The following NRXN1 variants were observed in gnomAD, a reference collection of about 807,000 sequenced individuals.
The protein encoded by NRXN1 is neurexin 1, also known as neurexin-1.
A neutral mutation model predicts 150.9 loss-of-function variants in NRXN1; 39 were observed. The ratio of observed to expected loss-of-function variants is 0.26; its 90% CI spans 0.20 to 0.34. The LOEUF is 0.34. Ranked by LOEUF, NRXN1 falls within the 10% of genes least tolerant of loss-of-function variation. The probability of loss-of-function intolerance (pLI) is 1.00; values close to 1 mark genes in which losing one functional copy is unlikely to be tolerated. For synonymous variants in NRXN1, 924 were observed against 757.0 expected, an observed-to-expected ratio of 1.22 and a Z score of -3.62; for missense variants, 1,815 against 1,949.9, an observed-to-expected ratio of 0.93 and a Z score of 1.30.
chr2:50,427,468 C>G (rs1033770072), intron 17 of NRXN1, among the ~76,000 whole-genome samples: 8 of 151,866 alleles, frequency 5.3e-5, no homozygotes, highest in African/African-American at 1.9e-4. Context: ...TGGTTCTGCT[C>G]ATATATCAGA....
At chr2:50,659,935 C>A (rs567827385) in intron 5 of NRXN1, among the ~76,000 whole-genome samples, 17 of 152,092 alleles carry the variant, frequency 1.1e-4, no homozygotes, top group African/African-American at 4.1e-4. Context: ...AAACATACTT[C>A]CGCTTTATAT....
intron 18 of NRXN1, among the ~76,000 whole-genome samples, chr2:50,098,852 T>A (rs9677097): frequency 1.2e-4 from 3 of 24,352 alleles, no homozygotes; most frequent in African/African-American, 4.9e-4. Flanking sequence ...TTTTTTTTTT[T>A]TTTTTTTTTT....
At position 49,954,375 on chromosome 2, in the gene NRXN1, A is replaced by G. The variant is rs146550836; in HGVS notation, c.4129-10584T>C. Among the ~76,000 whole-genome samples the G allele has an allele frequency of 3.8e-3, 572 of 152,264 alleles. 3 individuals are homozygous for G. The highest frequency in any genetic ancestry group is 0.011 in the African/African-American group (477 of 41,558). ...CCTTTCCTCCGACCAGATCTCCTGG[A>G]GAGCTTAGTGCACAGACTCAGGGAT... On this transcript the variant is annotated intron_variant, in intron 21 of 22. Coordinates refer to ENST00000401669, the MANE Select transcript of NRXN1 (RefSeq NM_001330078.2).
At chr2:50,978,236 C>A (rs1438034866) in intron 2 of NRXN1, among the ~76,000 whole-genome samples, 2 of 135,614 alleles carry the variant, frequency 1.5e-5, no homozygotes, top group African/African-American at 5.3e-5. Context: ...TATACATATT[C>A]TTCCAGAGAC....
chr2:50,001,712 C>T (rs570140445), intron 21 of NRXN1, among the ~76,000 whole-genome samples: 15 of 152,156 alleles, frequency 9.9e-5, no homozygotes, highest in African/African-American at 3.6e-4. Flanking sequence ...CCAACTTCTA[C>T]GTATTTACAT....
intron 17 of NRXN1, among the ~76,000 whole-genome samples, chr2:50,298,139 G>C (rs554328036): frequency 3.9e-4 from 60 of 152,214 alleles, no homozygotes; most frequent in Non-Finnish European, 6.9e-4. Flanking sequence ...ATTGCCGTAA[G>C]TGCTAAAGCA....
At chr2:50,108,470 A>T (rs1701960961) in intron 18 of NRXN1, among the ~76,000 whole-genome samples, 1 of 152,100 alleles carries the variant, frequency 6.6e-6, no homozygotes, top group Non-Finnish European at 1.5e-5. Flanking sequence ...TAAGGACTCA[A>T]ACTTGGTCCT....
At chr2:50,900,849 G>T (rs566994395) in intron 5 of NRXN1, among the ~76,000 whole-genome samples, 2 of 152,264 alleles carry the variant, frequency 1.3e-5, no homozygotes, top group South Asian at 2.1e-4. Context: ...ACCTGGATTA[G>T]ACTGAGCTCA....
chr2:50,502,335 C>G (rs142546634), intron 13 of NRXN1, among the ~76,000 whole-genome samples: 2 of 152,208 alleles, frequency 1.3e-5, no homozygotes, highest in African/African-American at 4.8e-5. Context: ...ATGAGACAAA[C>G]AGTCGTAAAG....
intron 4 of NRXN1, 65 bp downstream of exon 4, chr2:50,922,582 TTGCAGTGATGG>T: frequency 7.1e-7 from 1 of 1,415,172 alleles, no homozygotes; most frequent in Non-Finnish European, 9.9e-7. Context: ...TGCCCATCCT[TTGCAGTGATGG>T]TTTGAAAGCA....
chr2:50,795,924 T>C (rs767129160), intron 5 of NRXN1, among the ~76,000 whole-genome samples: 5 of 152,056 alleles, frequency 3.3e-5, no homozygotes, highest in Non-Finnish European at 5.9e-5. Flanking sequence ...CCCAATAATG[T>C]ACTGAGTCAG....
chr2:50,859,602 TA>T (rs1431836665), intron 5 of NRXN1, among the ~76,000 whole-genome samples: 34 of 148,370 alleles, frequency 2.3e-4, no homozygotes, highest in African/African-American at 7.4e-4. Flanking sequence ...TGGTTACAGG[TA>T]TTTTTTTTTT....
chr2:50,316,747 T>C (rs2075639311), intron 17 of NRXN1, among the ~76,000 whole-genome samples: 1 of 151,986 alleles, frequency 6.6e-6, no homozygotes, highest in East Asian at 1.9e-4. Flanking sequence ...TAATGAGAAA[T>C]ACAAATTTGC....
chr2:50,558,296 C>A (rs1668540421), intron 8 of NRXN1, among the ~76,000 whole-genome samples: 1 of 152,124 alleles, frequency 6.6e-6, no homozygotes, highest in South Asian at 2.1e-4. Flanking sequence ...CATGTCTAAT[C>A]CTGTTTGAAT....
At chr2:50,188,355 C>T (rs2061223825) in intron 18 of NRXN1, among the ~76,000 whole-genome samples, 1 of 152,166 alleles carries the variant, frequency 6.6e-6, no homozygotes, top group African/African-American at 2.4e-5. Flanking sequence ...TTCCTTATAC[C>T]TTATACAAAA....
chr2:50,723,698 G>A (rs1359726980), intron 5 of NRXN1, among the ~76,000 whole-genome samples: 1 of 152,198 alleles, frequency 6.6e-6, no homozygotes, highest in Non-Finnish European at 1.5e-5. Context: ...TTTACAACCT[G>A]CATGGCTGTG....
At chr2:50,112,345 G>C (rs993374979) in intron 18 of NRXN1, among the ~76,000 whole-genome samples, 1 of 152,086 alleles carries the variant, frequency 6.6e-6, no homozygotes, top group Non-Finnish European at 1.5e-5. Flanking sequence ...AATTTACATA[G>C]GAGGCAAACA....
At chr2:50,094,688 G>C (rs1699992911) in intron 18 of NRXN1, among the ~76,000 whole-genome samples, 1 of 151,506 alleles carries the variant, frequency 6.6e-6, no homozygotes, top group South Asian at 2.1e-4. Flanking sequence ...TAGAGTCTGT[G>C]TAGAATTGTA....
chr2:49,968,390 T>C (rs2152492206), intron 21 of NRXN1, among the ~76,000 whole-genome samples: 1 of 152,212 alleles, frequency 6.6e-6, no homozygotes, highest in Non-Finnish European at 1.5e-5. Flanking sequence ...GTTGCATCCA[T>C]TTTGCATTAC....
Sources: allele counts gnomAD v4.1 joint callset (sites outside exome capture counted in the v4.1 genomes callset), GRCh38; gene constraint gnomAD v4.1.1; transcripts MANE v1.5; gene names NCBI Gene and HGNC (gene_info 2026-07-23, HGNC 2026-07-21).